Variants in B3GALT1 observed in about 807,000 individuals in gnomAD.
B3GALT1 encodes UDP-Gal:betaGlcNAc beta 1,3-galactosyltransferase, polypeptide 1.
In B3GALT1, 10 loss-of-function variants were observed where a neutral mutation model predicts 23.2. The ratio of observed to expected loss-of-function variants is 0.43; its 90% CI spans 0.27 to 0.73. The LOEUF is 0.73. Among genes scored for constraint, B3GALT1 ranks in the 30% least tolerant of loss-of-function variants. The probability of loss-of-function intolerance (pLI) is 0.21; values close to 1 mark genes in which losing one functional copy is unlikely to be tolerated. For synonymous variants in B3GALT1, 156 were observed against 141.5 expected (o/e 1.10, Z -0.73); for missense variants, 299 against 405.4 (o/e 0.74, Z 2.25).
chr2:167,718,876 G>A (rs936304440), intron 3 of B3GALT1, among the ~76,000 whole-genome samples: 1 of 152,162 alleles, frequency 6.6e-6, no homozygotes, highest in Admixed American at 6.5e-5. Flanking sequence ...TGCTTCAGGG[G>A]AGGACAACAG....
chr2:167,646,108 T>C (rs546867055), intron 2 of B3GALT1, among the ~76,000 whole-genome samples: 1 of 152,302 alleles, frequency 6.6e-6, no homozygotes, highest in African/African-American at 2.4e-5. Context: ...TTGACCCCTC[T>C]TTTTATGGGC....
chr2:167,353,617 G>A (rs77311807), intron 1 of B3GALT1, among the ~76,000 whole-genome samples: 7,796 of 152,046 alleles, frequency 0.051, 257 homozygotes, highest in East Asian at 0.13. Context: ...TATCATCAGG[G>A]ATAATACTTT....
At chr2:167,808,679 G>A (rs1688813481) in intron 3 of B3GALT1, among the ~76,000 whole-genome samples, 1 of 151,500 alleles carries the variant, frequency 6.6e-6, no homozygotes, top group Admixed American at 6.6e-5. Context: ...GCTTCCCTTT[G>A]TGGGTAACCT....
chr2:167,532,643 A>G (rs949098681), intron 2 of B3GALT1, among the ~76,000 whole-genome samples: 1 of 152,038 alleles, frequency 6.6e-6, no homozygotes, highest in East Asian at 1.9e-4. Context: ...ATACTCACAT[A>G]TATGTTATGC....
chr2:167,338,112 A>G (rs1254605871), intron 1 of B3GALT1, among the ~76,000 whole-genome samples: 3 of 152,182 alleles, frequency 2.0e-5, no homozygotes, highest in Admixed American at 6.6e-5. Flanking sequence ...GAAGTGTCCT[A>G]ATTTCTCGTT....
chr2:167,469,825 CAG>C (rs750736180), intron 1 of B3GALT1, among the ~76,000 whole-genome samples: 3 of 152,040 alleles, frequency 2.0e-5, no homozygotes, highest in Non-Finnish European at 4.4e-5. Context: ...AAAATCATGA[CAG>C]ATAAGAAAAA....
chr2:167,419,707 G>A (rs1014181753), intron 1 of B3GALT1, among the ~76,000 whole-genome samples: 1 of 152,174 alleles, frequency 6.6e-6, no homozygotes, highest in Non-Finnish European at 1.5e-5. Context: ...AGAATCATCT[G>A]ATAGTCTCTC....
chr2:167,415,608 T>C (rs1698456877), intron 1 of B3GALT1, among the ~76,000 whole-genome samples: 1 of 152,054 alleles, frequency 6.6e-6, no homozygotes, highest in South Asian at 2.1e-4. Context: ...ACACTTATAT[T>C]GAGGGGAGGG....
chr2:167,570,034 T>C (rs1684261060), intron 2 of B3GALT1, among the ~76,000 whole-genome samples: 1 of 151,962 alleles, frequency 6.6e-6, no homozygotes, highest in Non-Finnish European at 1.5e-5. Context: ...TTGAACATAA[T>C]GTATTCTTTA....
intron 1 of B3GALT1, among the ~76,000 whole-genome samples, chr2:167,360,206 A>G (rs969349834): frequency 6.6e-6 from 1 of 152,174 alleles, no homozygotes. Context: ...GCATTTTTAT[A>G]TACATATTTT....
chr2:167,487,963 G>A (rs1699652371), intron 1 of B3GALT1, among the ~76,000 whole-genome samples: 1 of 151,972 alleles, frequency 6.6e-6, no homozygotes, highest in African/African-American at 2.4e-5. Flanking sequence ...TGGAAAAGAA[G>A]GTCATTTAAC....
chr2:167,340,754 C>T (rs1332933211), intron 1 of B3GALT1, among the ~76,000 whole-genome samples: 1 of 152,136 alleles, frequency 6.6e-6, no homozygotes, highest in African/African-American at 2.4e-5. Context: ...TCATCTGGAG[C>T]CTCTACCATT....
chr2:167,729,393 G>A (rs1384017004), intron 3 of B3GALT1, among the ~76,000 whole-genome samples: 2 of 152,158 alleles, frequency 1.3e-5, no homozygotes, highest in Non-Finnish European at 2.9e-5. Flanking sequence ...ACACTAGGAC[G>A]ATGTCAAGGA....
chr2:167,326,087 GT>G (rs34790586), intron 1 of B3GALT1, among the ~76,000 whole-genome samples: 121,093 of 148,350 alleles, frequency 0.82, 51,022 homozygotes, highest in Non-Finnish European at 0.93. Flanking sequence ...ACCAATATCT[GT>G]TTTTTTTTTT....
chr2:167,742,152 T>A (rs1475912360), intron 3 of B3GALT1, among the ~76,000 whole-genome samples: 1 of 152,226 alleles, frequency 6.6e-6, no homozygotes, highest in East Asian at 1.9e-4. Flanking sequence ...AAGGTCACTT[T>A]ACTATATCAG....
chr2:167,855,444 GT>G (rs5836161), intron 4 of B3GALT1, among the ~76,000 whole-genome samples: 15,494 of 152,132 alleles, frequency 0.1, 1,218 homozygotes, highest in East Asian at 0.37. Flanking sequence ...CTTAGTAGAA[GT>G]AATTATTAGT....
chr2:167,469,619 T>G (rs1453532686), intron 1 of B3GALT1, among the ~76,000 whole-genome samples: 1 of 152,318 alleles, frequency 6.6e-6, no homozygotes, highest in East Asian at 1.9e-4. Flanking sequence ...GTAATAGTAC[T>G]GAAAATGTGA....
In B3GALT1 at chr2:167,611,990, T is replaced by C. The variant is rs144617085; in HGVS notation, c.-409-34919T>C. Among the ~76,000 whole-genome samples, 334 of 152,186 alleles carry C rather than the reference T, an allele frequency of 2.2e-3. 4 individuals are homozygous for C. The East Asian group carries it at 0.045, about 20-fold the overall frequency. ...TTTGAAAAAGAGAACAAGTGGCCTG[T>C]TGATGAATTGCTTTAGTTCCTAACG... is the stretch of plus-strand genomic sequence containing the variant. On this transcript the variant is annotated intron_variant, in intron 2 of 4. Coordinates refer to ENST00000392690, the MANE Select transcript of B3GALT1 (RefSeq NM_020981.4).
chr2:167,691,447 A>T (rs1026156453), intron 3 of B3GALT1, among the ~76,000 whole-genome samples: 2 of 152,142 alleles, frequency 1.3e-5, no homozygotes, highest in Non-Finnish European at 2.9e-5. Flanking sequence ...CATATAATTA[A>T]AGGTTTACCT....
Sources: gnomAD v4.1 joint callset for allele counts (sites outside exome capture counted in the v4.1 genomes callset) on GRCh38, gnomAD v4.1.1 for gene constraint, MANE v1.5 for transcripts, NCBI Gene and HGNC (gene_info 2026-07-23, HGNC 2026-07-21) for gene names.